The following ARHGAP28 variants were observed in gnomAD, a reference collection of about 807,000 sequenced individuals.
ARHGAP28 encodes rho GTPase-activating protein 28.
In ARHGAP28, 56 loss-of-function variants were observed where a neutral mutation model predicts 90.7. The observed-to-expected ratio is 0.62, with a 90% confidence interval of 0.50 to 0.77. The LOEUF (loss-of-function observed/expected upper bound fraction) is 0.77. Among genes scored for constraint, ARHGAP28 ranks in the 30% least tolerant of loss-of-function variants. The pLI is 0.00. For missense variants in ARHGAP28, 869 were observed against 900.9 expected, an observed-to-expected ratio of 0.96 and a Z score of 0.45; for synonymous variants, 308 against 323.3, an observed-to-expected ratio of 0.95 and a Z score of 0.51.
chr18:6,755,314 A>C (rs2056100913), intron 1 of ARHGAP28, among the ~76,000 whole-genome samples: 2 of 152,208 alleles, frequency 1.3e-5, no homozygotes, highest in African/African-American at 4.8e-5. Context: ...GCTCCTTTCC[A>C]AAAAGTGACA....
At chr18:6,837,481 T>C (rs1600229776) in intron 3 of ARHGAP28, 67 bp downstream of exon 3, 2 of 986,322 alleles carry the variant, frequency 2.0e-6, no homozygotes, top group East Asian at 5.0e-5. Flanking sequence ...AGGGTGGGGC[T>C]GGGGTGGAAA....
intron 2 of ARHGAP28, 25 bp downstream of exon 2, chr18:6,824,989 A>T: frequency 1.3e-6 from 2 of 1,514,720 alleles, no homozygotes; most frequent in Non-Finnish European, 1.8e-6. Flanking sequence ...TTGTCTTCCT[A>T]TGTGCTGACT....
chr18:6,828,315 C>T (rs1042261258), intron 2 of ARHGAP28, among the ~76,000 whole-genome samples: 5 of 152,056 alleles, frequency 3.3e-5, no homozygotes, highest in Non-Finnish European at 7.4e-5. Flanking sequence ...AGTCCAGCTT[C>T]GGCTCGGCAT....
chr18:6,816,823 C>A (rs2056594124), intron 1 of ARHGAP28, among the ~76,000 whole-genome samples: 1 of 152,078 alleles, frequency 6.6e-6, no homozygotes, highest in Non-Finnish European at 1.5e-5. Flanking sequence ...TGTGGTGGCT[C>A]ACACCTGTAA....
intron 4 of ARHGAP28, among the ~76,000 whole-genome samples, chr18:6,853,664 A>AG (rs1467389427): frequency 6.6e-6 from 1 of 152,180 alleles, no homozygotes; most frequent in East Asian, 1.9e-4. Context: ...TAGTAGAGAC[A>AG]GGGTTTCACC....
intron 1 of ARHGAP28, among the ~76,000 whole-genome samples, chr18:6,760,477 G>A (rs2056150437): frequency 6.6e-6 from 1 of 152,120 alleles, no homozygotes; most frequent in Admixed American, 6.6e-5. Flanking sequence ...AAATTTAAAT[G>A]CATGACTTCT....
chr18:6,802,052 G>A (rs765917215), intron 1 of ARHGAP28, among the ~76,000 whole-genome samples: 3 of 152,000 alleles, frequency 2.0e-5, no homozygotes, highest in Non-Finnish European at 2.9e-5. Context: ...ACATAATGAC[G>A]TCCAGTTCCA....
intron 1 of ARHGAP28, among the ~76,000 whole-genome samples, chr18:6,768,496 A>G (rs534735708): frequency 6.6e-6 from 1 of 152,240 alleles, no homozygotes; most frequent in East Asian, 1.9e-4. Context: ...GTTCTCAACA[A>G]AGACTTTCTA....
chr18:6,782,499 C>T (rs1026172989), intron 1 of ARHGAP28, among the ~76,000 whole-genome samples: 3 of 151,006 alleles, frequency 2.0e-5, no homozygotes, highest in East Asian at 1.9e-4. Context: ...CTCACTGCAA[C>T]CTCTGCCTCC....
At chr18:6,871,379 T>C (rs1214744138) in intron 7 of ARHGAP28, among the ~76,000 whole-genome samples, 2 of 152,222 alleles carry the variant, frequency 1.3e-5, no homozygotes, top group Admixed American at 1.3e-4. Flanking sequence ...TTTACACACT[T>C]GTGCCTCTAT....
At chr18:6,827,227 C>A (rs111889411) in intron 2 of ARHGAP28, among the ~76,000 whole-genome samples, 3 of 152,074 alleles carry the variant, frequency 2.0e-5, no homozygotes, top group African/African-American at 7.2e-5. Flanking sequence ...AGGGTGGTGG[C>A]CGGGCAGAGG....
rs1184868367 is a variant in ARHGAP28, at chr18:6,851,058, A to C, written c.568A>C (p.Thr190Pro). The C allele has an allele frequency of 6.2e-7, 1 of 1,614,124 alleles. No homozygotes were observed. Among genetic ancestry groups the C allele is most frequent in the South Asian group, 1.1e-5 (1 of 91,076 alleles). ...SPPRDTCGNH[T>P]NQLDGTKEER... Reference sequence around the variant, plus strand: ...GCCTCGTGATACCTGTGGCAACCACACTAATCAGCTGGATGGCACCAAGGA... The same window carrying C: ...GCCTCGTGATACCTGTGGCAACCACCCTAATCAGCTGGATGGCACCAAGGA... Residue 190 changes from threonine to proline, a missense_variant, in exon 4 of 18, where the codon ACT (threonine) becomes CCT (proline). Physicochemically the swap from Thr to Pro is conservative, Grantham distance 38 (BLOSUM62 -1). Coordinates refer to ENST00000383472, the MANE Select transcript of ARHGAP28 (RefSeq NM_001366230.1).
rs35950139 is a variant in ARHGAP28, at chr18:6,802,335, CTTTTTTTTTTT to C, written c.123-22409_123-22399del. On this transcript the variant is annotated intron_variant, in intron 1 of 17. Transcript: ENST00000383472. ...GGATCATATGGATCATATGGTAGTT[CTTTTTTTTTTT>C]TTTTTTTTTTTTTTTTTGAGATGGA... is the stretch of plus-strand genomic sequence containing the variant. Among the ~76,000 whole-genome samples the C allele has an allele frequency of 1.5e-4, 8 of 52,762 alleles. 1 individual carries two copies. Among genetic ancestry groups the C allele is most frequent in the South Asian group, 7.7e-4 (1 of 1,306 alleles). The allele number at this position is 52,762 out of a possible 152,430, so 34.6% of individuals were successfully genotyped here.
chr18:6,736,361 G>A (rs2055927222), intron 1 of ARHGAP28, among the ~76,000 whole-genome samples: 1 of 150,720 alleles, frequency 6.6e-6, no homozygotes. Flanking sequence ...TACCTGGTCT[G>A]ACTTTATGAA....
chr18:6,898,570 C>T, intron 16 of ARHGAP28: 1 of 1,611,942 alleles, frequency 6.2e-7, no homozygotes, highest in Non-Finnish European at 8.5e-7. Context: ...GACATCTCCA[C>T]ATAGGCAGTC....
chr18:6,743,138 G>A (rs1025407468), intron 1 of ARHGAP28, among the ~76,000 whole-genome samples: 2 of 152,116 alleles, frequency 1.3e-5, no homozygotes, highest in Non-Finnish European at 2.9e-5. Flanking sequence ...GGAGACCGAC[G>A]AGGGGAGCAT....
chr18:6,872,066 A>G (rs1475809183), intron 7 of ARHGAP28, among the ~76,000 whole-genome samples: 6 of 152,118 alleles, frequency 3.9e-5, no homozygotes, highest in Non-Finnish European at 7.4e-5. Context: ...AGAGGGCAAC[A>G]TGTGGTGGTC....
chr18:6,880,453 C>G (rs1295135887), intron 10 of ARHGAP28, among the ~76,000 whole-genome samples: 2 of 152,174 alleles, frequency 1.3e-5, no homozygotes, highest in African/African-American at 4.8e-5. Flanking sequence ...TCCACGCTCC[C>G]CCAAATCATT....
intron 4 of ARHGAP28, among the ~76,000 whole-genome samples, chr18:6,858,577 CTT>C (rs1164549307): frequency 6.7e-6 from 1 of 149,600 alleles, no homozygotes; most frequent in Non-Finnish European, 1.5e-5. Flanking sequence ...GAGTTTTGCT[CTT>C]GTCGCCCAGT....
Sources: gnomAD v4.1 joint callset for allele counts (sites outside exome capture counted in the v4.1 genomes callset) on GRCh38, gnomAD v4.1.1 for gene constraint, MANE v1.5 for transcripts, NCBI Gene and HGNC (gene_info 2026-07-23, HGNC 2026-07-21) for gene names.